The following FRMD8 variants were observed in gnomAD, a reference collection of about 807,000 sequenced individuals.
FRMD8 encodes the protein FERM domain-containing protein 8.
A neutral mutation model predicts 54.2 loss-of-function variants in FRMD8; 37 were observed. That is an observed-to-expected ratio of 0.68 (90% CI 0.53 to 0.90). The LOEUF (loss-of-function observed/expected upper bound fraction) is 0.90, where lower values mean the gene tolerates loss of function less well. FRMD8 is among the 40% of genes least tolerant of loss of function. The pLI is 0.00. For synonymous variants in FRMD8, 246 were observed against 286.9 expected (o/e 0.86, Z 1.44); for missense variants, 585 against 653.7 (o/e 0.89, Z 1.15).
intron 4 of FRMD8, 50 bp from the exon 5 acceptor site, chr11:65,393,991 G>A (rs1420974894): frequency 1.3e-6 from 2 of 1,595,878 alleles, no homozygotes; most frequent in Non-Finnish European, 1.7e-6. Flanking sequence ...GGAGAGGGGA[G>A]GGCTAAGCAG....
intron 7 of FRMD8, among the ~76,000 whole-genome samples, chr11:65,397,752 C>T (rs758135119): frequency 1.3e-5 from 2 of 152,288 alleles, no homozygotes; most frequent in South Asian, 2.1e-4. Context: ...TGCTCTGTCA[C>T]TCAGGCTGGA....
intron 9 of FRMD8, among the ~76,000 whole-genome samples, chr11:65,401,786 A>G (rs939363745): frequency 2.7e-4 from 40 of 145,920 alleles, no homozygotes; most frequent in African/African-American, 9.4e-4. Context: ...TTTGAACTCC[A>G]AGATATTCTC....
intron 10 of FRMD8, among the ~76,000 whole-genome samples, chr11:65,409,262 T>C (rs1000639810): frequency 5.9e-5 from 9 of 152,050 alleles, no homozygotes; most frequent in Non-Finnish European, 1.2e-4. Flanking sequence ...AATTTTTGTA[T>C]CTTTAGTAGA....
Position 65,387,100 on chromosome 11 carries a change from G to C in FRMD8, c.64G>C (p.Val22Leu). The stretch of plus-strand genomic sequence containing the variant: ...CGCTGAGCGATCCCACCGAAGCAGC[G>C]TGTCCTCCGTGGGAGCCCGAGGTGG... ...GPAERSHRSS[V>L]SSVGARAADV... Residue 22 changes from valine (V) to leucine (L), a missense_variant, in exon 2 of 11, where the codon GTG (valine) becomes CTG (leucine). Coordinates refer to ENST00000317568, the MANE Select transcript of FRMD8 (RefSeq NM_031904.5). 6.2e-7 allele frequency: 1 copy of C among 1,607,028 alleles called. No homozygotes were observed. The highest frequency in any genetic ancestry group is 8.5e-7 in the Non-Finnish European group (1 of 1,179,980).
Position 65,404,985 on chromosome 11 carries a change from T to G in FRMD8, c.1193T>G (p.Val398Gly), listed in dbSNP as rs1856162487. The change falls in exon 10 of 11, where the codon GTT (valine) becomes GGT (glycine). Residue 398 changes from valine (V) to glycine (G), a missense_variant. Transcript: ENST00000317568. This position sits in a 1 kb window ranked among gnomAD's most constrained non-coding sequence, Gnocchi z 4.7. Reference protein sequence around the residue: ...PSDPSSSLAPVQRPKLRRQGS... With the variant: ...PSDPSSSLAPGQRPKLRRQGS... ...GACCCCAGCTCCTCACTGGCTCCTG[T>G]TCAGCGCCCCAAGCTGCGGAGGCAG... 6.2e-7 allele frequency: 1 copy of G among 1,613,178 alleles called. No individual in the cohort carries two copies. Among genetic ancestry groups the G allele is most frequent in the East Asian group, 2.2e-5 (1 of 44,904 alleles).
the FRMD8 span, among the ~76,000 whole-genome samples, chr11:65,371,766 C>A: frequency 3.3e-5 from 5 of 152,188 alleles, no homozygotes; most frequent in African/African-American, 4.8e-5. Flanking sequence ...AGGTGCGTGC[C>A]ACCATGCCCG....
chr11:65,400,290 A>G lies in FRMD8; in HGVS notation c.927+431A>G, dbSNP rs472852. Among the ~76,000 whole-genome samples, 149,036 of 152,322 alleles carry G rather than the reference A, an allele frequency of 0.98. 73,005 individuals are homozygous for G. The highest frequency in any genetic ancestry group is 1 in the East Asian group (5,180 of 5,180). Reference sequence around the variant, plus strand: ...TGTGGGGCAGATTACCTGTCCCTGGACAGAAATTTGCTCCTAAGCCAGCAG... The same window carrying G: ...TGTGGGGCAGATTACCTGTCCCTGGGCAGAAATTTGCTCCTAAGCCAGCAG... On this transcript the variant is annotated intron_variant, in intron 8 of 10. Coordinates refer to ENST00000317568, the MANE Select transcript of FRMD8 (RefSeq NM_031904.5). This position sits in a 1 kb window ranked among gnomAD's most constrained non-coding sequence, Gnocchi z 4.3.
At chr11:65,408,008 G>C (rs1856244198) in intron 10 of FRMD8, among the ~76,000 whole-genome samples, 1 of 151,948 alleles carries the variant, frequency 6.6e-6, no homozygotes, top group African/African-American at 2.4e-5. Context: ...ACTTCTTGGA[G>C]CACGTAAATC....
In FRMD8 at chr11:65,396,893, G is replaced by A; in HGVS notation, c.676G>A (p.Gly226Ser). Residue 226 changes from glycine (G) to serine (S), a missense_variant, in exon 7 of 11, where the codon GGC becomes AGC. Gly to Ser is a moderately conservative substitution (Grantham distance 56). Transcript: ENST00000317568. The part of the protein sequence containing the change: ...LRGRGARAGP[G>S]EQGLLNAYRQ... ...GGGCCGTGGGGCCAGGGCCGGGCCG[G>A]GCGAGCAGGGCCTGCTGAACGCCTA... 1 of 1,556,978 alleles carries A rather than the reference G, an allele frequency of 6.4e-7. No homozygotes were observed. The highest frequency in any genetic ancestry group is 8.7e-7 in the Non-Finnish European group (1 of 1,151,346).
chr11:65,409,617 T>TAG (rs1312910318), intron 10 of FRMD8, among the ~76,000 whole-genome samples: 1 of 151,954 alleles, frequency 6.6e-6, no homozygotes, highest in Non-Finnish European at 1.5e-5. Flanking sequence ...ATTTAAAAGA[T>TAG]TAGCAGGGCA....
At chr11:65,368,082 G>GT in the FRMD8 span, 1 of 113,060 alleles carries the variant, frequency 8.8e-6, no homozygotes, top group Non-Finnish European at 1.6e-5. Flanking sequence ...TTTTTTTTTT[G>GT]TTTTTTTTTT....
At chr11:65,382,077 G>C, upstream of FRMD8, 1 of 880,140 alleles carries the variant, frequency 1.1e-6, no homozygotes, top group South Asian at 1.4e-5. This position sits in a 1 kb window ranked among gnomAD's most constrained non-coding sequence, Gnocchi z 4.4. Context: ...GGTGAGAATT[G>C]GCCTGGTGCC....
intron 3 of FRMD8, among the ~76,000 whole-genome samples, chr11:65,390,896 G>A (rs776252009): frequency 2.0e-5 from 3 of 152,268 alleles, no homozygotes; most frequent in African/African-American, 4.8e-5. Context: ...TTTGTTGCCC[G>A]GCCCACACAG....
the FRMD8 span, chr11:65,377,217 T>G: frequency 5.6e-6 from 8 of 1,440,850 alleles, no homozygotes; most frequent in Non-Finnish European, 7.3e-6. Context: ...GCCTCTCACG[T>G]GCATGTGTGG....
upstream of FRMD8, chr11:65,382,329 G>C (rs1283783596): frequency 3.5e-6 from 1 of 286,512 alleles, no homozygotes; most frequent in Non-Finnish European, 6.9e-6. The surrounding 1 kb of genome is among the most constrained non-coding windows in gnomAD (Gnocchi z 4.4). Context: ...AGCCAGCCCA[G>C]CTCCACTCCC....
chr11:65,384,642 T>C (rs1590643076), upstream of FRMD8, among the ~76,000 whole-genome samples: 1 of 152,228 alleles, frequency 6.6e-6, no homozygotes, highest in Non-Finnish European at 1.5e-5. Flanking sequence ...ACACAGCAAG[T>C]GAGCAGAGAC....
At chr11:65,373,844 T>C in the FRMD8 span, among the ~76,000 whole-genome samples, 1 of 152,192 alleles carries the variant, frequency 6.6e-6, no homozygotes. Context: ...TGCCTCGGCC[T>C]CCTAAAGTGC....
chr11:65,369,539 G>C, the FRMD8 span, among the ~76,000 whole-genome samples: 1 of 143,550 alleles, frequency 7.0e-6, no homozygotes, highest in South Asian at 2.2e-4. Flanking sequence ...GACCATCCTG[G>C]CCAACATGGT....
chr11:65,409,283 C>T lies in FRMD8; in HGVS notation c.1277-1959C>T, dbSNP rs539694219. On this transcript the variant is annotated intron_variant, in intron 10 of 10. Transcript: ENST00000317568. ...TGTATCTTTAGTAGAGACAGGGTTT[C>T]GCCATGTTGGCCAGGCTGGTCTCGA... is the stretch of plus-strand genomic sequence containing the variant. Among the ~76,000 whole-genome samples the T allele has an allele frequency of 3.1e-3, 475 of 152,096 alleles. 2 individuals are homozygous for T. The highest frequency in any genetic ancestry group is 0.011 in the African/African-American group (438 of 41,490).
Sources: gnomAD v4.1 joint callset for allele counts (sites outside exome capture counted in the v4.1 genomes callset) on GRCh38, gnomAD v4.1.1 for gene constraint, Gnocchi (gnomAD v3.1) non-coding constraint, MANE v1.5 for transcripts, NCBI Gene and HGNC (gene_info 2026-07-23, HGNC 2026-07-21) for gene names.